The following CEP104 variants were observed in gnomAD, a reference collection of about 807,000 sequenced individuals.
CEP104 encodes centrosomal protein 104.
A neutral mutation model predicts 113.3 loss-of-function variants in CEP104; 84 were observed. The observed-to-expected ratio is 0.74, with a 90% CI of 0.62 to 0.89. The LOEUF (loss-of-function observed/expected upper bound fraction) is 0.89, where lower values mean the gene tolerates loss of function less well. Among genes scored for constraint, CEP104 ranks in the 40% least tolerant of loss-of-function variants. The probability of loss-of-function intolerance (pLI) is 0.00; values close to 1 mark genes in which losing one functional copy is unlikely to be tolerated. For synonymous variants in CEP104, 378 were observed against 421.7 expected (o/e 0.90, Z 1.27); for missense variants, 1,053 against 1,156.6 (o/e 0.91, Z 1.30).
At chr1:3,837,640 T>C (rs1644340699) in intron 8 of CEP104, 121 bp from the exon 9 acceptor site, 2 of 854,358 alleles carry the variant, frequency 2.3e-6, no homozygotes, top group Non-Finnish European at 3.6e-6. Context: ...CTTGGCACAA[T>C]GAAAAATTTC....
rs774477038 is a variant in CEP104, at chr1:3,831,040, G to T, written c.1836+6C>A. Reference sequence around the variant, plus strand: ...GCGTGGTGTGTCACACGCGAGGTCTGCTTACCTTCATCACGTTGTCAATGG... The same window carrying T: ...GCGTGGTGTGTCACACGCGAGGTCTTCTTACCTTCATCACGTTGTCAATGG... On this transcript the variant is annotated splice_donor_region_variant and intron_variant, in intron 13 of 21. Transcript: ENST00000378230. 1.2e-6 allele frequency: 2 copies of T among 1,612,338 alleles called. No individual in the cohort carries two copies. The highest frequency in any genetic ancestry group is 4.5e-5 in the East Asian group (2 of 44,830).
At chr1:3,855,348 CTTTT>C (rs60855655) in intron 1 of CEP104, among the ~76,000 whole-genome samples, 12 of 128,884 alleles carry the variant, frequency 9.3e-5, no homozygotes, top group Non-Finnish European at 1.1e-4. Context: ...TGCACAGCTA[CTTTT>C]TTTTTTTTTT....
intron 10 of CEP104, 25 bp downstream of exon 10, chr1:3,836,467 CGTT>C (rs1644313554): frequency 5.1e-6 from 6 of 1,187,214 alleles, no homozygotes; most frequent in South Asian, 1.3e-5. Flanking sequence ...TCTGCCACCC[CGTT>C]TTTTTTTTTT....
Position 3,835,008 on chromosome 1 carries a change from C to T in CEP104, c.1402G>A (p.Gly468Arg), listed in dbSNP as rs1296115842. ...TTCTTTAAATCTTCTTTTGGGGTTC[C>T]AACAGGCATTTCCATTAACTTCTTA... ...LSKKLMEMPVGTPKEDLKNTL... is the reference protein window; with the variant it reads ...LSKKLMEMPVRTPKEDLKNTL... The change falls in exon 11 of 22, where the codon GGA (glycine) becomes AGA (arginine). Residue 468 changes from glycine (G) to arginine (R), a missense_variant. Transcript: ENST00000378230. 1 of 1,613,936 alleles carries T rather than the reference C, an allele frequency of 6.2e-7. No homozygotes were observed. Among genetic ancestry groups the T allele is most frequent in the Admixed American group, 1.7e-5 (1 of 60,002 alleles).
In CEP104 at chr1:3,815,506, C is replaced by G; in HGVS notation, c.2674G>C (p.Ala892Pro). ...APALQPGKSS[A>P]VAASGPLGSK... is the part of the protein sequence containing the mutation. ...CCCAAGGGGCCTGATGCGGCCACAG[C>G]TGAGCTTTTCCCTGCAGAGCAAGCA... The change falls in exon 22 of 22, where the codon GCT (alanine) becomes CCT (proline). Residue 892 changes from alanine to proline, a missense_variant. Physicochemically the swap from Ala to Pro is conservative, Grantham distance 27 (BLOSUM62 -1). Coordinates refer to ENST00000378230, the MANE Select transcript of CEP104 (RefSeq NM_014704.4). 6.2e-7 allele frequency: 1 copy of G among 1,601,142 alleles called. No homozygotes were observed. Among genetic ancestry groups the G allele is most frequent in the Non-Finnish European group, 8.5e-7 (1 of 1,173,806 alleles).
Position 3,823,557 on chromosome 1 carries a change from G to A in CEP104, c.2370C>T (p.Val790=), listed in dbSNP as rs367968279. Residue 790 remains valine, a synonymous_variant, in exon 19 of 22, where the codon GTC becomes GTT. Transcript: ENST00000378230. This position sits in a 1 kb window ranked among gnomAD's most constrained non-coding sequence, Gnocchi z 4.1. ...AGTGCTCCGTCAGACTGGATATCTC[G>A]ACCACCTGGATTTCGAAATACAGAG... ...LTRCDHCKQV[V]EISSLTEHLL... The A allele has an allele frequency of 4.3e-6, 7 of 1,614,126 alleles. No individual in the cohort carries two copies. Among genetic ancestry groups the A allele is most frequent in the Admixed American group, 3.3e-5 (2 of 60,008 alleles).
Position 3,823,367 on chromosome 1 carries a change from C to T in CEP104, c.2503+57G>A. Reference sequence around the variant, plus strand: ...CACAGGCTCAAGAGCAGTGGCACTTCCTCCAAGAGGACCCCTGGTGACCCG... The same window carrying T: ...CACAGGCTCAAGAGCAGTGGCACTTTCTCCAAGAGGACCCCTGGTGACCCG... On this transcript the variant is annotated intron_variant, in intron 19 of 21. Coordinates refer to ENST00000378230, the MANE Select transcript of CEP104 (RefSeq NM_014704.4). This position sits in a 1 kb window ranked among gnomAD's most constrained non-coding sequence, Gnocchi z 4.1. The T allele has an allele frequency of 1.9e-6, 3 of 1,613,512 alleles. No individual in the cohort carries two copies. In the South Asian group the frequency reaches 3.3e-5, roughly 18 times the overall value.
chr1:3,821,282 C>T (rs955070432), intron 20 of CEP104, among the ~76,000 whole-genome samples: 5 of 152,212 alleles, frequency 3.3e-5, no homozygotes, highest in South Asian at 2.1e-4. Context: ...GGATAATTCA[C>T]GCATCACTAA....
chr1:3,812,493 A>G lies in CEP104; in HGVS notation c.*2909T>C, dbSNP rs1442159731. 6 of 152,260 alleles carry G rather than the reference A, an allele frequency of 3.9e-5. No individual in the cohort carries two copies. In the East Asian group the frequency reaches 1.2e-3, roughly 29 times the overall value. The allele number at this position is 152,260 out of a possible 1,614,324, so 9.4% of individuals were successfully genotyped here. On this transcript the variant is annotated 3_prime_UTR_variant, in exon 22 of 22. Transcript: ENST00000378230. ...ATTCTTGGTCCCTTAACAATGTATA[A>G]CCCTGTAAAACTCTCAATAGCCACT... is the stretch of plus-strand genomic sequence containing the variant.
chr1:3,834,904 G>C, intron 11 of CEP104, 21 bp downstream of exon 11: 1 of 1,562,756 alleles, frequency 6.4e-7, no homozygotes, highest in Non-Finnish European at 8.7e-7. Context: ...GCTGGAGCCA[G>C]CGCCAGCTGA....
At chr1:3,826,652 C>A (rs1345071104) in intron 16 of CEP104, 56 bp downstream of exon 16, 1 of 1,593,776 alleles carries the variant, frequency 6.3e-7, no homozygotes, top group Non-Finnish European at 8.6e-7. Flanking sequence ...CATGCATTTA[C>A]ACACCCCGAT....
chr1:3,834,668 C>T (rs1644276578), intron 11 of CEP104, among the ~76,000 whole-genome samples: 1 of 152,230 alleles, frequency 6.6e-6, no homozygotes, highest in Non-Finnish European at 1.5e-5. Flanking sequence ...GCTTTGCAGA[C>T]CATGGAAAAG....
At chr1:3,832,022 G>A (rs1031092602) in intron 12 of CEP104, among the ~76,000 whole-genome samples, 4 of 152,118 alleles carry the variant, frequency 2.6e-5, no homozygotes, top group Non-Finnish European at 1.5e-5. Flanking sequence ...CGGCACACTG[G>A]TGCACAATTG....
At chr1:3,839,564 T>G in intron 7 of CEP104, 44 bp downstream of exon 7, 1 of 1,546,804 alleles carries the variant, frequency 6.5e-7, no homozygotes, top group Non-Finnish European at 8.8e-7. Context: ...ACATAAAACC[T>G]ATTACAGGCA....
chr1:3,839,173 A>C, intron 7 of CEP104, 54 bp from the exon 8 acceptor site: 1 of 1,486,472 alleles, frequency 6.7e-7, no homozygotes, highest in South Asian at 1.1e-5. Context: ...CTCACATCAA[A>C]TGCAAAGCTA....
At chr1:3,844,768 C>A in intron 6 of CEP104, 139 bp downstream of exon 6, 8 of 499,780 alleles carry the variant, frequency 1.6e-5, no homozygotes, top group East Asian at 3.1e-5. Flanking sequence ...ATGTAAATTT[C>A]AGACAATCCA....
At position 3,815,349 on chromosome 1, in the gene CEP104, A is replaced by T; in HGVS notation, c.*53T>A. 1 of 1,333,140 alleles carries T rather than the reference A, an allele frequency of 7.5e-7. No individual in the cohort carries two copies. The highest frequency in any genetic ancestry group is 1.1e-6 in the Non-Finnish European group (1 of 952,304). The allele number at this position is 1,333,140 out of a possible 1,614,324, so 82.6% of individuals were successfully genotyped here. A position where few individuals can be genotyped will look rare whatever the true frequency, so the allele number is the denominator to read the frequency against. On this transcript the variant is annotated 3_prime_UTR_variant, in exon 22 of 22. Transcript: ENST00000378230. Reference sequence around the variant, plus strand: ...AGAGAGTTCTGGAGAGATGGTGTAGAATCAGGAGACCCGCTCCATCCCTCA... The same window carrying T: ...AGAGAGTTCTGGAGAGATGGTGTAGTATCAGGAGACCCGCTCCATCCCTCA...
chr1:3,842,121 C>T (rs1001671036), intron 6 of CEP104, among the ~76,000 whole-genome samples: 1 of 152,204 alleles, frequency 6.6e-6, no homozygotes, highest in Admixed American at 6.5e-5. Flanking sequence ...GAGTCTCGCT[C>T]TTGTCGCCCA....
chr1:3,824,472 AAAAAG>A (rs1644045079), intron 18 of CEP104, among the ~76,000 whole-genome samples: 1 of 152,232 alleles, frequency 6.6e-6, no homozygotes, highest in Non-Finnish European at 1.5e-5. Context: ...ATGAACCATG[AAAAAG>A]ACTGGCAAGG....
Sources: allele counts gnomAD v4.1 joint callset (sites outside exome capture counted in the v4.1 genomes callset), GRCh38; gene constraint gnomAD v4.1.1; non-coding constraint Gnocchi (gnomAD v3.1); transcripts MANE v1.5; gene names NCBI Gene and HGNC (gene_info 2026-07-23, HGNC 2026-07-21).